Variants in ANKUB1 observed in about 807,000 individuals in gnomAD.
ANKUB1 encodes the protein ankyrin repeat and ubiquitin domain containing 1, also known as protein ANKUB1.
Under a neutral mutation model 49.3 loss-of-function variants are expected in ANKUB1, and 42 were observed. The observed-to-expected ratio is 0.85, with a 90% CI of 0.67 to 1.10. The LOEUF (loss-of-function observed/expected upper bound fraction) is 1.10. Among genes scored for constraint, ANKUB1 ranks in the 50% least tolerant of loss-of-function variants. The pLI is 0.00. For missense variants in ANKUB1, 613 were observed against 642.0 expected (o/e 0.95, Z 0.49); for synonymous variants, 222 against 231.0 (o/e 0.96, Z 0.35).
Position 149,761,242 on chromosome 3 carries a change from A to G in ANKUB1, c.*242T>C, listed in dbSNP as rs1177681496. 3 of 348,718 alleles carry G rather than the reference A, an allele frequency of 8.6e-6. No individual in the cohort carries two copies. Among genetic ancestry groups the G allele is most frequent in the Non-Finnish European group, 1.0e-5 (2 of 195,080 alleles). The allele number at this position is 348,718 out of a possible 1,614,324, so 21.6% of individuals were successfully genotyped here. On this transcript the variant is annotated 3_prime_UTR_variant, in exon 6 of 6. Coordinates refer to ENST00000446160, the MANE Select transcript of ANKUB1 (RefSeq NM_001144960.3). ...TCTCAGCTCCCCTACCCTGTGGACA[A>G]CTACTATTCTAAGTTTCTTCTGAAT...
chr3:149,768,190 ATGTT>A, intron 4 of ANKUB1, 95 bp from the exon 5 acceptor site: 2 of 919,526 alleles, frequency 2.2e-6, no homozygotes, highest in Non-Finnish European at 3.0e-6. Context: ...TTCTAGTTGA[ATGTT>A]TATTTCTTCT....
At chr3:149,780,004 A>G in intron 3 of ANKUB1, 1 of 528,786 alleles carries the variant, frequency 1.9e-6, no homozygotes, top group Admixed American at 3.2e-5. Context: ...GTGAGGAGGG[A>G]ACTAAGTGCT....
chr3:149,771,640 T>C (rs1717366342), intron 3 of ANKUB1, among the ~76,000 whole-genome samples: 1 of 152,248 alleles, frequency 6.6e-6, no homozygotes, highest in Non-Finnish European at 1.5e-5. Flanking sequence ...AATCATTTTA[T>C]TTGCTTGAAG....
Position 149,790,919 on chromosome 3 carries a change from A to G in ANKUB1, c.96T>C (p.Tyr32=), listed in dbSNP as rs375089794. 5.3e-5 allele frequency: 82 copies of G among 1,551,162 alleles called. 1 individual carries two copies. Among genetic ancestry groups the G allele is most frequent in the African/African-American group, 3.8e-4 (28 of 73,124 alleles). The change falls in exon 2 of 6, where the codon TAT becomes TAC. Residue 32 remains tyrosine, a synonymous_variant. Coordinates refer to ENST00000446160, the MANE Select transcript of ANKUB1 (RefSeq NM_001144960.3). ...TGTCTTCAGAGAGAGGAATGTGGAA[A>G]TAATCCTTAAAAATCAATAGCATAT... ...VEVVKLMIKD[Y]FHIPLSEDKQ...
At position 149,787,495 on chromosome 3, in the gene ANKUB1, T is replaced by C. The variant is rs552509852; in HGVS notation, c.234+3286A>G. 1.5e-4 allele frequency among the ~76,000 whole-genome samples: 23 copies of C among 152,332 alleles called. No individual in the cohort carries two copies. The South Asian group carries it at 3.7e-3, about 25-fold the overall frequency. ...CTGAGACAATGGGGTTTTCTAAATA[T>C]ACAATCATGTCATCTGCAAACAGGG... On this transcript the variant is annotated intron_variant, in intron 2 of 5. Transcript: ENST00000446160.
chr3:149,764,058 C>T, intron 5 of ANKUB1: 1 of 455,974 alleles, frequency 2.2e-6, no homozygotes, highest in Non-Finnish European at 4.4e-6. Context: ...TGAAGGATTA[C>T]ATTAGGTTCT....
chr3:149,776,548 A>T (rs186241377), intron 3 of ANKUB1, among the ~76,000 whole-genome samples: 243 of 152,138 alleles, frequency 1.6e-3, no homozygotes, highest in African/African-American at 5.2e-3. Context: ...TAACTTTTTT[A>T]AAAAAAAGTA....
intron 3 of ANKUB1, chr3:149,778,837 G>C (rs1176033771): frequency 6.6e-6 from 1 of 152,176 alleles, no homozygotes; most frequent in African/African-American, 2.4e-5. Context: ...AAATTTAGCA[G>C]TTATATAAAG....
intron 4 of ANKUB1, among the ~76,000 whole-genome samples, chr3:149,769,390 T>C (rs1348617969): frequency 6.6e-6 from 1 of 152,240 alleles, no homozygotes; most frequent in Non-Finnish European, 1.5e-5. Context: ...AAAAATTACA[T>C]GTGAGCTTAG....
At chr3:149,786,089 G>A (rs764566545) in intron 2 of ANKUB1, among the ~76,000 whole-genome samples, 2 of 151,920 alleles carry the variant, frequency 1.3e-5, no homozygotes, top group Non-Finnish European at 2.9e-5. Context: ...AGGCCAGAGT[G>A]CAGTGGTGCT....
intron 2 of ANKUB1, chr3:149,783,021 G>A (rs1055256595): frequency 1.3e-5 from 2 of 151,808 alleles, no homozygotes; most frequent in African/African-American, 2.4e-5. Flanking sequence ...GACATCCCAG[G>A]CCTTTTTAAT....
chr3:149,766,673 C>T (rs1576667731), intron 5 of ANKUB1: 6 of 571,740 alleles, frequency 1.0e-5, no homozygotes, highest in South Asian at 9.9e-5. Flanking sequence ...TGGCATGTGC[C>T]TGTAGTCCCA....
At chr3:149,779,159 G>A (rs4681553) in intron 3 of ANKUB1, 118,058 of 151,630 alleles carry the variant, frequency 0.78, 46,187 homozygotes, top group East Asian at 0.9. Flanking sequence ...TACTGCAGAC[G>A]TGACCTGGAA....
At position 149,773,033 on chromosome 3, in the gene ANKUB1, A is replaced by G. The variant is rs558009550; in HGVS notation, c.452-2359T>C. On this transcript the variant is annotated intron_variant, in intron 3 of 5. Transcript: ENST00000446160. ...GAAGCTGAGGTTCAGAGACACATGA[A>G]TTGCCTGAGGCTTCTCAGCCAGCTG... 4.6e-5 allele frequency among the ~76,000 whole-genome samples: 7 copies of G among 152,340 alleles called. No homozygotes were observed. In the East Asian group the frequency reaches 1.3e-3, roughly 29 times the overall value.
intron 4 of ANKUB1, among the ~76,000 whole-genome samples, chr3:149,769,424 C>T (rs960658425): frequency 2.0e-5 from 3 of 152,254 alleles, no homozygotes; most frequent in Non-Finnish European, 2.9e-5. Context: ...ATGTTTTCAG[C>T]CAATTAACAA....
rs370988551 is a variant in ANKUB1, at chr3:149,769,035, G to A, written c.567-940C>T. Among the ~76,000 whole-genome samples, 5 of 152,110 alleles carry A rather than the reference G, an allele frequency of 3.3e-5. No individual in the cohort carries two copies. The East Asian group carries it at 9.7e-4, about 29-fold the overall frequency. On this transcript the variant is annotated intron_variant, in intron 4 of 5. Coordinates refer to ENST00000446160, the MANE Select transcript of ANKUB1 (RefSeq NM_001144960.3). Reference sequence around the variant, plus strand: ...AGCTATTTCTTTGGATGCAGAACATGGAAAAAGAAATATCACTACCCCACA... The same window carrying A: ...AGCTATTTCTTTGGATGCAGAACATAGAAAAAGAAATATCACTACCCCACA...
chr3:149,776,678 G>C (rs527683929), intron 3 of ANKUB1, among the ~76,000 whole-genome samples: 1 of 152,104 alleles, frequency 6.6e-6, no homozygotes, highest in Non-Finnish European at 1.5e-5. Context: ...ATGTGATCTA[G>C]GGCCAGGTGC....
chr3:149,778,138 G>C (rs767203227), intron 3 of ANKUB1, among the ~76,000 whole-genome samples: 2 of 152,136 alleles, frequency 1.3e-5, no homozygotes, highest in African/African-American at 2.4e-5. Context: ...TTATGCTTTA[G>C]GTAAAGGTAT....
At chr3:149,763,817 C>T (rs1389268472) in intron 5 of ANKUB1, 5 of 433,734 alleles carry the variant, frequency 1.2e-5, no homozygotes, top group Non-Finnish European at 2.3e-5. Context: ...TACTCACCAA[C>T]CCAAACCCAC....
Sources: allele counts gnomAD v4.1 joint callset (sites outside exome capture counted in the v4.1 genomes callset), GRCh38; gene constraint gnomAD v4.1.1; transcripts MANE v1.5; gene names NCBI Gene and HGNC (gene_info 2026-07-23, HGNC 2026-07-21).